SYCP2: variants seen among roughly 807,000 people sequenced by gnomAD.
SYCP2 encodes synaptonemal complex lateral element protein.
A neutral mutation model predicts 211.3 loss-of-function variants in SYCP2; 55 were observed. The observed-to-expected ratio is 0.26, with a 90% confidence interval of 0.21 to 0.33. The LOEUF is 0.33. Ranked by LOEUF, SYCP2 falls within the 10% of genes least tolerant of loss-of-function variation. SYCP2 has a pLI of 1.00. For synonymous variants in SYCP2, 570 were observed against 555.2 expected, an observed-to-expected ratio of 1.03 and a Z score of -0.37; for missense variants, 1,731 against 1,752.0, an observed-to-expected ratio of 0.99 and a Z score of 0.21.
At chr20:59,922,098 T>C (rs1207794115) in intron 3 of SYCP2, among the ~76,000 whole-genome samples, 1 of 151,562 alleles carries the variant, frequency 6.6e-6, no homozygotes, top group African/African-American at 2.4e-5. Context: ...CTCTAAAACT[T>C]AATACAAAAA....
At chr20:59,881,380 G>A in intron 29 of SYCP2, 57 bp downstream of exon 29, 1 of 872,982 alleles carries the variant, frequency 1.1e-6, no homozygotes, top group Non-Finnish European at 1.8e-6. Flanking sequence ...AGACTGGGAG[G>A]AGATATTTAA....
intron 36 of SYCP2, 67 bp downstream of exon 36, chr20:59,869,731 G>A: frequency 1.2e-6 from 1 of 853,858 alleles, no homozygotes; most frequent in Non-Finnish European, 1.8e-6. Flanking sequence ...CTAAAGGTCA[G>A]TAATCTGAGT....
chr20:59,901,300 A>G (rs1183514420), intron 16 of SYCP2, among the ~76,000 whole-genome samples: 2 of 152,010 alleles, frequency 1.3e-5, no homozygotes, highest in Admixed American at 6.6e-5. Flanking sequence ...TCTTTCTTCA[A>G]TGTCTACAAC....
chr20:59,867,013 C>CT (rs1166953454), intron 39 of SYCP2, among the ~76,000 whole-genome samples: 2 of 76,630 alleles, frequency 2.6e-5, no homozygotes, highest in African/African-American at 1.0e-4. Context: ...TGGCCTTGGG[C>CT]CAAAAAAAAA....
Position 59,882,569 on chromosome 20 carries a change from G to A in SYCP2, c.2530-404C>T, listed in dbSNP as rs142051190. 6.4e-4 allele frequency among the ~76,000 whole-genome samples: 97 copies of A among 152,218 alleles called. 1 individual carries two copies. Among genetic ancestry groups the A allele is most frequent in the Middle Eastern group, 3.4e-3 (1 of 294 alleles). On this transcript the variant is annotated intron_variant, in intron 26 of 44. Transcript: ENST00000357552. ...TAAATGCATAAAGAAAATGTAGTATGTGTATATACAACGAAATATTATTCA... is the reference window on the plus strand; with the variant it reads ...TAAATGCATAAAGAAAATGTAGTATATGTATATACAACGAAATATTATTCA...
At position 59,880,956 on chromosome 20, in the gene SYCP2, T is replaced by C. The variant is rs749110311; in HGVS notation, c.2772+10A>G. The stretch of plus-strand genomic sequence containing the variant: ...ACTTCTAATAGACATATTGAGATAT[T>C]ATAACTTACTTTTTTATCTTTTGTT... On this transcript the variant is annotated intron_variant, in intron 30 of 44. Transcript: ENST00000357552. 3 of 1,355,832 alleles carry C rather than the reference T, an allele frequency of 2.2e-6. No homozygotes were observed. The highest frequency in any genetic ancestry group is 3.1e-6 in the Non-Finnish European group (3 of 975,010). The allele number at this position is 1,355,832 out of a possible 1,614,324, so 84.0% of individuals were successfully genotyped here. A position where few individuals can be genotyped will look rare whatever the true frequency, so the allele number is the denominator to read the frequency against.
At chr20:59,903,889 T>C (rs189932036) in intron 15 of SYCP2, among the ~76,000 whole-genome samples, 2 of 152,222 alleles carry the variant, frequency 1.3e-5, no homozygotes, top group East Asian at 1.9e-4. Context: ...ATGTAGGATA[T>C]TGTGGCAGGC....
chr20:59,889,787 C>A (rs1418785667), intron 24 of SYCP2, among the ~76,000 whole-genome samples: 2 of 151,968 alleles, frequency 1.3e-5, no homozygotes, highest in African/African-American at 2.4e-5. Flanking sequence ...CACTGAACTA[C>A]CAAGGTTGCT....
chr20:59,865,844 G>A lies in SYCP2; in HGVS notation c.4342C>T (p.Gln1448Ter). 1 of 1,430,034 alleles carries A rather than the reference G, an allele frequency of 7.0e-7. No homozygotes were observed. The highest frequency in any genetic ancestry group is 1.6e-5 in the South Asian group (1 of 60,836). 88.6% of individuals were successfully genotyped at this position (1,430,034 alleles called of 1,614,324 possible). The change falls in exon 42 of 45, where the codon CAG becomes TAG. Residue 1448 changes from glutamine (Q) to a stop codon, truncating the protein, a stop_gained. Coordinates refer to ENST00000357552, the MANE Select transcript of SYCP2 (RefSeq NM_014258.4). LOFTEE classifies it high-confidence loss of function. Reference sequence around the variant, plus strand: ...CTTTTTTGATATGCACTGAACTTCTGAAATATCTTTTCCCAAAAGTCCTAA... The same window carrying A: ...CTTTTTTGATATGCACTGAACTTCTAAAATATCTTTTCCCAAAAGTCCTAA... ...EFVDFWEKIF[Q>*]KFSAYQKSEQ...
At chr20:59,895,243 C>A (rs1053313954) in intron 20 of SYCP2, among the ~76,000 whole-genome samples, 194 bp downstream of exon 20, 1 of 151,968 alleles carries the variant, frequency 6.6e-6, no homozygotes, top group Non-Finnish European at 1.5e-5. Flanking sequence ...ATATTCATAA[C>A]TTTTATTGTA....
intron 18 of SYCP2, among the ~76,000 whole-genome samples, chr20:59,897,412 ATTC>A (rs2145761543): frequency 6.6e-6 from 1 of 152,322 alleles, no homozygotes; most frequent in South Asian, 2.1e-4. Context: ...ACAGTTACTT[ATTC>A]ATATAAATGC....
intron 14 of SYCP2, among the ~76,000 whole-genome samples, chr20:59,911,492 CATTT>C (rs2060325550): frequency 6.6e-6 from 1 of 152,132 alleles, no homozygotes; most frequent in African/African-American, 2.4e-5. Context: ...CATAAATTAA[CATTT>C]ATTTTTTAAA....
chr20:59,924,851 CAT>C (rs1426227121), intron 2 of SYCP2, among the ~76,000 whole-genome samples: 4 of 151,992 alleles, frequency 2.6e-5, no homozygotes, highest in Non-Finnish European at 5.9e-5. Context: ...GACCTATACA[CAT>C]GACTTGACTT....
At position 59,866,278 on chromosome 20, in the gene SYCP2, T is replaced by G; in HGVS notation, c.4320+15A>C. 1 of 1,540,140 alleles carries G rather than the reference T, an allele frequency of 6.5e-7. No individual in the cohort carries two copies. The highest frequency in any genetic ancestry group is 8.8e-7 in the Non-Finnish European group (1 of 1,139,092). ...AGGTTTTAAACTTATTTAAAAAATT[T>G]TTAAAGTAACAAACCACAAATTCCT... On this transcript the variant is annotated intron_variant, in intron 41 of 44. Transcript: ENST00000357552.
rs1367961865 is a variant in SYCP2, at chr20:59,928,339, T to C, written c.-47+3723A>G. On this transcript the variant is annotated intron_variant, in intron 2 of 44. Transcript: ENST00000357552. ...TAACAAGAGATATGAATACATGGAG[T>C]TGTTCCTATTCATTAATGGAAGGAC... Among the ~76,000 whole-genome samples, 7 of 151,816 alleles carry C rather than the reference T, an allele frequency of 4.6e-5. No individual in the cohort carries two copies. In the East Asian group the frequency reaches 1.4e-3, roughly 29 times the overall value.
chr20:59,883,043 C>G (rs958971720), intron 26 of SYCP2, among the ~76,000 whole-genome samples: 6 of 151,984 alleles, frequency 3.9e-5, no homozygotes, highest in Admixed American at 3.9e-4. Flanking sequence ...AAATCACCAC[C>G]CATATATATA....
At chr20:59,917,212 A>G (rs1007109520) in intron 7 of SYCP2, among the ~76,000 whole-genome samples, 5 of 152,136 alleles carry the variant, frequency 3.3e-5, no homozygotes, top group African/African-American at 1.2e-4. Context: ...TGACCTCATT[A>G]ATTTTTAGTT....
intron 42 of SYCP2, 64 bp from the exon 43 acceptor site, chr20:59,865,715 A>G: frequency 9.3e-7 from 1 of 1,073,950 alleles, no homozygotes; most frequent in South Asian, 2.3e-5. Context: ...GTGCTATAAT[A>G]TAGTATATAT....
At chr20:59,897,080 C>T (rs2060024099) in intron 18 of SYCP2, among the ~76,000 whole-genome samples, 1 of 152,090 alleles carries the variant, frequency 6.6e-6, no homozygotes, top group Admixed American at 6.6e-5. Context: ...CCCATATCAT[C>T]TCACACTAAT....
Sources: allele counts gnomAD v4.1 joint callset (sites outside exome capture counted in the v4.1 genomes callset), GRCh38; gene constraint gnomAD v4.1.1; transcripts MANE v1.5; gene names NCBI Gene and HGNC (gene_info 2026-07-23, HGNC 2026-07-21).